The following PNPLA7 variants were observed in gnomAD, a reference collection of about 807,000 sequenced individuals.
The protein encoded by PNPLA7 is patatin-like phospholipase domain-containing protein 7.
A neutral mutation model predicts 161.7 loss-of-function variants in PNPLA7; 153 were observed. That is an observed-to-expected ratio of 0.95 (90% CI 0.83 to 1.08). The LOEUF is 1.08. Among genes scored for constraint, PNPLA7 ranks in the 50% least tolerant of loss-of-function variants. The pLI is 0.00. For synonymous variants in PNPLA7, 809 were observed against 782.1 expected (o/e 1.03, Z -0.57); for missense variants, 1,739 against 1,856.6 (o/e 0.94, Z 1.16).
At chr9:137,465,633 CAG>C (rs1239159117) in intron 26 of PNPLA7, among the ~76,000 whole-genome samples, 1 of 152,176 alleles carries the variant, frequency 6.6e-6, no homozygotes, top group Non-Finnish European at 1.5e-5. Context: ...CATTTCTGAA[CAG>C]AGAGGGGAGA....
At chr9:137,510,625 C>T (rs909293349) in intron 12 of PNPLA7, among the ~76,000 whole-genome samples, 1 of 152,214 alleles carries the variant, frequency 6.6e-6, no homozygotes, top group Non-Finnish European at 1.5e-5. Flanking sequence ...TTCGGGGCCA[C>T]TACAGGTCTC....
chr9:137,548,605 G>A (rs1300977708), intron 1 of PNPLA7, among the ~76,000 whole-genome samples: 7 of 152,248 alleles, frequency 4.6e-5, no homozygotes, highest in Admixed American at 1.3e-4. Context: ...AAAATTAGCC[G>A]GGCGTGGTGG....
intron 13 of PNPLA7, 66 bp from the exon 14 acceptor site, chr9:137,505,826 G>C: frequency 6.3e-7 from 1 of 1,589,544 alleles, no homozygotes; most frequent in Non-Finnish European, 8.6e-7. Context: ...ACAAGGGTGT[G>C]GTCAGGTCTG....
chr9:137,498,019 G>C, intron 17 of PNPLA7, 95 bp downstream of exon 17: 1 of 1,528,576 alleles, frequency 6.5e-7, no homozygotes. Context: ...AGTAACTTCC[G>C]TGTGTGGTTT....
chr9:137,537,376 G>A lies in PNPLA7; in HGVS notation c.747+3266C>T, dbSNP rs954621376. ...CTCTGTCACCAGGCTGGAGTGCAGT[G>A]GCACAATCTCAGCTCACTGCAACCT... On this transcript the variant is annotated intron_variant, in intron 8 of 34. Coordinates refer to ENST00000406427, the MANE Select transcript of PNPLA7 (RefSeq NM_001098537.3). The surrounding 1 kb of genome is among the most constrained non-coding windows in gnomAD (Gnocchi z 4.5). 6.6e-6 allele frequency among the ~76,000 whole-genome samples: 1 copy of A among 151,890 alleles called. No individual in the cohort carries two copies. Among genetic ancestry groups the A allele is most frequent in the Non-Finnish European group, 1.5e-5 (1 of 67,986 alleles).
chr9:137,479,519 C>A (rs964260839), intron 23 of PNPLA7: 7 of 1,167,228 alleles, frequency 6.0e-6, no homozygotes, highest in Non-Finnish European at 7.4e-6. Flanking sequence ...ACACAGCAAC[C>A]TTTCCAAATG....
intron 12 of PNPLA7, among the ~76,000 whole-genome samples, 166 bp downstream of exon 12, chr9:137,515,213 C>T (rs371689080): frequency 1.3e-5 from 2 of 152,090 alleles, no homozygotes; most frequent in African/African-American, 4.8e-5. Flanking sequence ...CACCAAGCCT[C>T]GACCCTAGAG....
chr9:137,514,470 G>A (rs1834408255), intron 12 of PNPLA7, among the ~76,000 whole-genome samples: 1 of 121,044 alleles, frequency 8.3e-6, no homozygotes, highest in Admixed American at 8.6e-5. Context: ...TGGCTGTTGA[G>A]ATGCCCGGGC....
intron 33 of PNPLA7, chr9:137,461,321 G>A (rs1008681360): frequency 9.5e-6 from 5 of 524,042 alleles, no homozygotes; most frequent in Non-Finnish European, 1.7e-5. Flanking sequence ...GAAGGGCAGG[G>A]GCTGGGTGAC....
intron 14 of PNPLA7, 87 bp downstream of exon 14, chr9:137,505,527 C>A: frequency 6.6e-7 from 1 of 1,507,944 alleles, no homozygotes; most frequent in South Asian, 1.2e-5. Flanking sequence ...CTGTCCTCCA[C>A]ACCTGGAACC....
intron 25 of PNPLA7, among the ~76,000 whole-genome samples, chr9:137,477,327 T>A (rs996375890): frequency 6.6e-6 from 1 of 152,158 alleles, no homozygotes; most frequent in Non-Finnish European, 1.5e-5. Context: ...AGGACTCAGT[T>A]TGGGCAAAGC....
intron 8 of PNPLA7, among the ~76,000 whole-genome samples, chr9:137,535,878 C>G (rs1268785109): frequency 1.3e-5 from 2 of 151,876 alleles, no homozygotes; most frequent in Non-Finnish European, 2.9e-5. Flanking sequence ...AAAGGCTGGG[C>G]ATGGTGGCTC....
In PNPLA7 at chr9:137,528,011, G is replaced by A. The variant is rs188727483; in HGVS notation, c.748-5154C>T. On this transcript the variant is annotated intron_variant, in intron 8 of 34. Transcript: ENST00000406427. ...CAAGGAATTTGTCAATTTAATCTGCGTGGCTGATTTTATGGGCATAAAGCT... is the reference window on the plus strand; with the variant it reads ...CAAGGAATTTGTCAATTTAATCTGCATGGCTGATTTTATGGGCATAAAGCT... Among the ~76,000 whole-genome samples the A allele has an allele frequency of 7.2e-4, 110 of 152,276 alleles. 1 individual carries two copies. Among genetic ancestry groups the A allele is most frequent in the Admixed American group, 6.3e-3 (97 of 15,292 alleles).
chr9:137,483,184 T>G (rs1319401659), intron 21 of PNPLA7, among the ~76,000 whole-genome samples: 1 of 152,092 alleles, frequency 6.6e-6, no homozygotes, highest in Non-Finnish European at 1.5e-5. Context: ...AAAAGTGTTT[T>G]TTAAAGGGAA....
Position 137,462,329 on chromosome 9 carries a change from C to CACCT in PNPLA7, c.3493-2_3494dup (p.Leu1166GlyfsTer27), listed in dbSNP as rs1450607915. 6.3e-7 allele frequency: 1 copy of CACCT among 1,596,870 alleles called. No individual in the cohort carries two copies. The highest frequency in any genetic ancestry group is 8.5e-7 in the Non-Finnish European group (1 of 1,170,994). On this transcript the variant is annotated frameshift_variant and splice_region_variant, in exon 31 of 35. Transcript: ENST00000406427. LOFTEE classifies it high-confidence loss of function. Reference sequence around the variant, plus strand: ...GCGTCTGAATCTCTGCCATGTTCAACACCTGCTGCCGTCACAGCCGCCTGA... The same window carrying CACCT: ...GCGTCTGAATCTCTGCCATGTTCAACACCTACCTGCTGCCGTCACAGCCGCCTGA...
At chr9:137,498,037 A>C in intron 17 of PNPLA7, 77 bp downstream of exon 17, 6 of 1,558,926 alleles carry the variant, frequency 3.8e-6, no homozygotes, top group Non-Finnish European at 5.2e-6. Context: ...TTTCCACGGT[A>C]ACCGTGCTTT....
In PNPLA7 at chr9:137,522,235, T is replaced by C. The variant is rs535101858; in HGVS notation, c.876+494A>G. Among the ~76,000 whole-genome samples, 501 of 152,248 alleles carry C rather than the reference T, an allele frequency of 3.3e-3. 2 individuals are homozygous for C. The highest frequency in any genetic ancestry group is 1.0e-2 in the African/African-American group (414 of 41,528). On this transcript the variant is annotated intron_variant, in intron 9 of 34. Coordinates refer to ENST00000406427, the MANE Select transcript of PNPLA7 (RefSeq NM_001098537.3). ...GACTACAGGCGCCCGCCACCACGCC[T>C]GGCTAATTTTTTGTATTTTTAGCAG...
chr9:137,521,923 C>T (rs546470782), intron 9 of PNPLA7, among the ~76,000 whole-genome samples: 3 of 152,190 alleles, frequency 2.0e-5, no homozygotes, highest in Non-Finnish European at 2.9e-5. Context: ...ACAAGGGGCA[C>T]ATGAAGACTG....
At position 137,478,080 on chromosome 9, in the gene PNPLA7, G is replaced by GC; in HGVS notation, c.2835dup (p.Leu946AlafsTer52). 7.1e-7 allele frequency: 1 copy of GC among 1,401,996 alleles called. No individual in the cohort carries two copies. Among genetic ancestry groups the GC allele is most frequent in the Non-Finnish European group, 9.3e-7 (1 of 1,075,664 alleles). 86.8% of individuals were successfully genotyped at this position (1,401,996 alleles called of 1,614,324 possible). On this transcript the variant is annotated frameshift_variant, in exon 25 of 35. Transcript: ENST00000406427. LOFTEE classifies it high-confidence loss of function. ...ACCAGGGCAATGGCGTTGCCCGTCA[G>GC]CACCCTCGCCAGGCGGGAGAAGTCT... is the stretch of plus-strand genomic sequence containing the variant.
Sources: gnomAD v4.1 joint callset for allele counts (sites outside exome capture counted in the v4.1 genomes callset) on GRCh38, gnomAD v4.1.1 for gene constraint, Gnocchi (gnomAD v3.1) non-coding constraint, MANE v1.5 for transcripts, NCBI Gene and HGNC (gene_info 2026-07-23, HGNC 2026-07-21) for gene names.